SPAG1: variants seen among roughly 807,000 people sequenced by gnomAD.
The protein encoded by SPAG1 is sperm-associated antigen 1.
Under a neutral mutation model 100.5 loss-of-function variants are expected in SPAG1, and 69 were observed. That is an observed-to-expected ratio of 0.69 (90% CI 0.57 to 0.84). The LOEUF is 0.84. Among genes scored for constraint, SPAG1 ranks in the 40% least tolerant of loss-of-function variants. The probability of loss-of-function intolerance (pLI) is 0.00; values close to 1 mark genes in which losing one functional copy is unlikely to be tolerated. For missense variants in SPAG1, 955 were observed against 1,133.1 expected (o/e 0.84, Z 2.26); for synonymous variants, 336 against 411.6 (o/e 0.82, Z 2.22).
intron 13 of SPAG1, among the ~76,000 whole-genome samples, chr8:100,224,351 G>A (rs145689314): frequency 2.0e-5 from 3 of 152,212 alleles, no homozygotes; most frequent in African/African-American, 4.8e-5. Flanking sequence ...AGACCAGACC[G>A]GCCAACATGG....
At chr8:100,165,342 C>T (rs1815500646) in intron 2 of SPAG1, 1 of 502,160 alleles carries the variant, frequency 2.0e-6, no homozygotes, top group East Asian at 5.6e-5. Context: ...AATTGCACTT[C>T]TTGCAGCAGG....
intron 10 of SPAG1, chr8:100,194,659 C>A: frequency 2.7e-6 from 1 of 374,382 alleles, no homozygotes; most frequent in Admixed American, 4.5e-5. Context: ...CATTTATATG[C>A]CAAAAATGAA....
chr8:100,162,969 T>A (rs1031849805), intron 2 of SPAG1, among the ~76,000 whole-genome samples: 10 of 150,790 alleles, frequency 6.6e-5, no homozygotes, highest in Non-Finnish European at 1.3e-4. Flanking sequence ...AAATAAAAAA[T>A]AATAATAAAA....
chr8:100,226,487 G>A (rs1487481294), intron 14 of SPAG1, among the ~76,000 whole-genome samples: 1 of 152,108 alleles, frequency 6.6e-6, no homozygotes, highest in Non-Finnish European at 1.5e-5. Flanking sequence ...TGGATCACTT[G>A]AGCCCAGGAG....
At chr8:100,238,308 T>C (rs1819099783) in intron 16 of SPAG1, among the ~76,000 whole-genome samples, 1 of 152,230 alleles carries the variant, frequency 6.6e-6, no homozygotes, top group South Asian at 2.1e-4. Context: ...TATGTCCCTC[T>C]TGCTCTGGTG....
chr8:100,199,916 TG>T (rs1482904528), intron 10 of SPAG1, among the ~76,000 whole-genome samples: 1 of 152,156 alleles, frequency 6.6e-6, no homozygotes, highest in East Asian at 1.9e-4. Flanking sequence ...AGAAGTTTTT[TG>T]TTTTTTTTTT....
At position 100,220,406 on chromosome 8, in the gene SPAG1, C is replaced by T. The variant is rs770251775; in HGVS notation, c.1663C>T (p.Gln555Ter). The change falls in exon 13 of 19, where the codon CAG becomes TAG. Residue 555 changes from glutamine (Q) to a stop codon, truncating the protein, a stop_gained. Coordinates refer to ENST00000388798, the MANE Select transcript of SPAG1 (RefSeq NM_003114.5). LOFTEE classifies it high-confidence loss of function. The part of the protein sequence containing the change: ...KTVLQIDCGL[Q>*]LANDSVNRLS... Reference sequence around the variant, plus strand: ...AGTGTTGCAGATAGACTGTGGACTCCAGCTAGCAAATGACAGTGTTAACAG... The same window carrying T: ...AGTGTTGCAGATAGACTGTGGACTCTAGCTAGCAAATGACAGTGTTAACAG... 6.2e-6 allele frequency: 10 copies of T among 1,613,064 alleles called. No individual in the cohort carries two copies. Among genetic ancestry groups the T allele is most frequent in the Non-Finnish European group, 8.5e-6 (10 of 1,179,696 alleles).
At chr8:100,217,169 G>T (rs1586508906) in intron 12 of SPAG1, among the ~76,000 whole-genome samples, 1 of 151,988 alleles carries the variant, frequency 6.6e-6, no homozygotes, top group East Asian at 1.9e-4. Flanking sequence ...TTGAATTCCT[G>T]ACCTCAAGTG....
intron 10 of SPAG1, among the ~76,000 whole-genome samples, chr8:100,205,732 G>A (rs927178101): frequency 1.3e-5 from 2 of 152,026 alleles, no homozygotes; most frequent in Non-Finnish European, 2.9e-5. Context: ...TAGGGATAGG[G>A]CTGGCTGGGC....
chr8:100,214,906 G>C (rs1372425823), intron 12 of SPAG1, among the ~76,000 whole-genome samples: 1 of 149,784 alleles, frequency 6.7e-6, no homozygotes, highest in Non-Finnish European at 1.5e-5. Flanking sequence ...CTTGAACCTG[G>C]GAGGCAGATG....
rs547143216 is a variant in SPAG1, at chr8:100,233,529, G to A, written c.2107G>A (p.Gly703Arg). 1 of 1,599,160 alleles carries A rather than the reference G, an allele frequency of 6.3e-7. No individual in the cohort carries two copies. The highest frequency in any genetic ancestry group is 8.5e-7 in the Non-Finnish European group (1 of 1,171,456). The change falls in exon 16 of 19, where the codon GGA becomes AGA. Residue 703 changes from glycine (G) to arginine (R), a missense_variant. Physicochemically the swap from Gly to Arg is moderately radical, Grantham distance 125. Coordinates refer to ENST00000388798, the MANE Select transcript of SPAG1 (RefSeq NM_003114.5). The part of the protein sequence containing the change: ...AFYRRALAHK[G>R]LKNYQKSLID... ...CTATAGACGAGCTCTGGCTCATAAA[G>A]GACTCAAGGTGAGGAAATCTTCATT...
chr8:100,212,224 T>C (rs866025107), intron 10 of SPAG1, among the ~76,000 whole-genome samples: 2 of 152,350 alleles, frequency 1.3e-5, no homozygotes, highest in South Asian at 2.1e-4. Context: ...TCCCTCTGTC[T>C]CTGTGCTTAA....
At chr8:100,161,776 C>T (rs1563765595) in intron 1 of SPAG1, among the ~76,000 whole-genome samples, 1 of 152,174 alleles carries the variant, frequency 6.6e-6, no homozygotes, top group Non-Finnish European at 1.5e-5. Context: ...GGAAGGTCTT[C>T]AGCACTCAGA....
chr8:100,225,110 T>A, intron 13 of SPAG1, 63 bp from the exon 14 acceptor site: 1 of 1,361,586 alleles, frequency 7.3e-7, no homozygotes, highest in African/African-American at 1.4e-5. Flanking sequence ...ATTCTTAATC[T>A]GACCTTCAGT....
At position 100,177,918 on chromosome 8, in the gene SPAG1, A is replaced by G; in HGVS notation, c.403A>G (p.Asn135Asp). ...TAATTTGCCTCCAGTTCGTGGTTCAAACAGCTGTCTTCATGTAGGCAAGGT... is the reference window on the plus strand; with the variant it reads ...TAATTTGCCTCCAGTTCGTGGTTCAGACAGCTGTCTTCATGTAGGCAAGGT... ...KDNLPPVRGS[N>D]SCLHVGKEKY... The change falls in exon 4 of 19, where the codon AAC (asparagine) becomes GAC (aspartate). Residue 135 changes from asparagine (N) to aspartate (D), a missense_variant. Asn to Asp is a conservative substitution (Grantham distance 23). Transcript: ENST00000388798. 6.2e-7 allele frequency: 1 copy of G among 1,613,012 alleles called. No homozygotes were observed. Among genetic ancestry groups the G allele is most frequent in the Non-Finnish European group, 8.5e-7 (1 of 1,179,128 alleles).
chr8:100,181,277 A>G (rs1003857466), intron 4 of SPAG1, among the ~76,000 whole-genome samples: 3 of 152,248 alleles, frequency 2.0e-5, no homozygotes, highest in East Asian at 1.9e-4. Context: ...ATGGTGTGCA[A>G]TGTGACATTT....
chr8:100,159,397 A>G (rs1385166442), intron 1 of SPAG1, among the ~76,000 whole-genome samples: 1 of 152,188 alleles, frequency 6.6e-6, no homozygotes, highest in African/African-American at 2.4e-5. Flanking sequence ...TGTCATCTAT[A>G]TCATATACCT....
intron 10 of SPAG1, among the ~76,000 whole-genome samples, chr8:100,202,350 AAAAC>A (rs1383990873): frequency 6.6e-6 from 1 of 151,732 alleles, no homozygotes; most frequent in African/African-American, 2.4e-5. Flanking sequence ...TTTAAAAAAA[AAAAC>A]AAAAAACAAA....
chr8:100,225,551 T>G (rs1157043675), intron 14 of SPAG1, among the ~76,000 whole-genome samples: 11 of 152,068 alleles, frequency 7.2e-5, no homozygotes, highest in Non-Finnish European at 1.5e-5. Context: ...CTCTGCTTCC[T>G]GGGTTCAAGC....
Sources: allele counts gnomAD v4.1 joint callset (sites outside exome capture counted in the v4.1 genomes callset), GRCh38; gene constraint gnomAD v4.1.1; transcripts MANE v1.5; gene names NCBI Gene and HGNC (gene_info 2026-07-23, HGNC 2026-07-21).